HNRNPH1: variants seen among roughly 807,000 people sequenced by gnomAD.
HNRNPH1 encodes heterogeneous nuclear ribonucleoprotein H1.
Under a neutral mutation model 58.6 loss-of-function variants are expected in HNRNPH1, and 4 were observed. That is an observed-to-expected ratio of 0.07 (90% CI 0.03 to 0.16). The LOEUF (loss-of-function observed/expected upper bound fraction) is 0.16, where lower values mean the gene tolerates loss of function less well. Among genes scored for constraint, HNRNPH1 ranks in the 10% least tolerant of loss-of-function variants. HNRNPH1 has a pLI of 1.00. For missense variants in HNRNPH1, 271 were observed against 564.2 expected (o/e 0.48, Z 5.26); for synonymous variants, 192 against 189.2 (o/e 1.01, Z -0.12).
At position 179,615,840 on chromosome 5, in the gene HNRNPH1, C is replaced by T. The variant is rs1462023187; in HGVS notation, c.1301-245G>A. ...ACATGGAGGCAGATATTTTCTGGCTCGACAGTATTCCAAAGCTGCAATGAC... is the reference window on the plus strand; with the variant it reads ...ACATGGAGGCAGATATTTTCTGGCTTGACAGTATTCCAAAGCTGCAATGAC... On this transcript the variant is annotated intron_variant, in intron 11 of 12. Transcript: ENST00000356731. The T allele has an allele frequency of 7.8e-6, 4 of 514,866 alleles. 1 individual carries two copies. Among genetic ancestry groups the T allele is most frequent in the South Asian group, 6.3e-5 (2 of 31,710 alleles). 31.9% of individuals were successfully genotyped at this position (514,866 alleles called of 1,614,324 possible).
exon 13 of HNRNPH1, chr5:179,614,957 T>A: frequency 2.0e-6 from 3 of 1,525,368 alleles, no homozygotes; most frequent in Non-Finnish European, 2.7e-6. Context: ...GCTCCTTGGT[T>A]ACCTGCAAAG....
chr5:179,625,959 A>ATTTTTTTT (rs1192838060), upstream of HNRNPH1, among the ~76,000 whole-genome samples: 116 of 150,470 alleles, frequency 7.7e-4, no homozygotes, highest in African/African-American at 2.3e-3. Context: ...TTATTTATTT[A>ATTTTTTTT]TTTATTTTTT....
intron 2 of HNRNPH1, among the ~76,000 whole-genome samples, chr5:179,630,638 G>A (rs1349134628): frequency 6.6e-6 from 1 of 152,042 alleles, no homozygotes; most frequent in Non-Finnish European, 1.5e-5. Flanking sequence ...TCGGCCTGAC[G>A]CGGGGGCTCA....
chr5:179,625,715 G>T (rs1270773464), upstream of HNRNPH1, among the ~76,000 whole-genome samples: 1 of 150,198 alleles, frequency 6.7e-6, no homozygotes, highest in Non-Finnish European at 1.5e-5. Context: ...TACACTTATA[G>T]CCAATTCTCT....
chr5:179,626,108 G>A (rs977356273), upstream of HNRNPH1, among the ~76,000 whole-genome samples: 99 of 148,086 alleles, frequency 6.7e-4, no homozygotes, highest in African/African-American at 2.3e-3. Flanking sequence ...AGGTTTTTTT[G>A]TTTGGTTTTG....
At position 179,617,120 on chromosome 5, in the gene HNRNPH1, G is replaced by GA. The variant is rs745607196; in HGVS notation, c.1058-11dup. The GA allele has an allele frequency of 8.0e-5, 129 of 1,604,306 alleles. No individual in the cohort carries two copies. Among genetic ancestry groups the GA allele is most frequent in the East Asian group, 3.6e-4 (16 of 44,800 alleles). ...TCTACATATCTGTGTTCTGAAATGA[G>GA]AAAAAAAAAGTTTGAAAATGTTTGT... On this transcript the variant is annotated splice_polypyrimidine_tract_variant and intron_variant, in intron 8 of 12. Coordinates refer to ENST00000356731, the Ensembl canonical transcript of HNRNPH1.
At chr5:179,614,774 T>G in exon 13 of HNRNPH1, 1 of 824,964 alleles carries the variant, frequency 1.2e-6, no homozygotes. Flanking sequence ...TAAACTGAAG[T>G]TTTCTTAAAG....
upstream of HNRNPH1, among the ~76,000 whole-genome samples, chr5:179,626,648 G>A (rs1433417986): frequency 6.6e-6 from 1 of 150,642 alleles, no homozygotes; most frequent in Non-Finnish European, 1.5e-5. Context: ...CCTGGGAGGT[G>A]GAGGTTGCAG....
intron 3 of HNRNPH1, among the ~76,000 whole-genome samples, chr5:179,620,493 A>G (rs1771821577): frequency 6.6e-6 from 1 of 152,228 alleles, no homozygotes; most frequent in African/African-American, 2.4e-5. Context: ...CACATGACCC[A>G]AATACGTGTC....
In HNRNPH1 at chr5:179,622,998, G is replaced by A. The variant is rs367906181; in HGVS notation, c.97+39C>T. The A allele has an allele frequency of 3.0e-5, 27 of 913,840 alleles. No individual in the cohort carries two copies. In the African/African-American group the frequency reaches 4.9e-4, roughly 17 times the overall value. The allele number at this position is 913,840 out of a possible 1,614,324, so 56.6% of individuals were successfully genotyped here. On this transcript the variant is annotated intron_variant, in intron 1 of 12. Transcript: ENST00000356731. ...GCCGCCCGCCAGCCCGCCCGCCCCG[G>A]CCTCGAACTCGAACTCCCGCGTCCT... is the stretch of plus-strand genomic sequence containing the variant.
At chr5:179,632,996 T>C (rs973096404) in intron 2 of HNRNPH1, among the ~76,000 whole-genome samples, 1 of 151,206 alleles carries the variant, frequency 6.6e-6, no homozygotes, top group African/African-American at 2.4e-5. Context: ...TAGCTGGGAA[T>C]ACAGGCGCCC....
intron 10 of HNRNPH1, 173 bp downstream of exon 11, chr5:179,616,696 A>C (rs1769892258): frequency 1.6e-6 from 1 of 634,172 alleles, no homozygotes; most frequent in African/African-American, 1.8e-5. Context: ...TATCCTAAGG[A>C]ACTTCATAAC....
intron 12 of HNRNPH1, 42 bp from the exon 14 acceptor site, chr5:179,615,001 CT>C: frequency 8.9e-7 from 1 of 1,124,800 alleles, no homozygotes; most frequent in Non-Finnish European, 1.3e-6. Context: ...TAATATCAGA[CT>C]ACCAGTCAAA....
intron 2 of HNRNPH1, among the ~76,000 whole-genome samples, chr5:179,631,328 T>G (rs889001247): frequency 1.8e-4 from 28 of 152,186 alleles, no homozygotes; most frequent in Admixed American, 6.5e-4. Flanking sequence ...AAAAATGATC[T>G]AGGTTCCGTG....
At chr5:179,620,815 CAACTTTA>C in intron 3 of HNRNPH1, 70 bp downstream of exon 4, 2 of 1,318,104 alleles carry the variant, frequency 1.5e-6, no homozygotes, top group Non-Finnish European at 2.2e-6. Flanking sequence ...CTAAGCTACT[CAACTTTA>C]ACGTCTATTA....
upstream of HNRNPH1, among the ~76,000 whole-genome samples, chr5:179,627,113 G>A (rs888301792): frequency 2.0e-5 from 3 of 152,166 alleles, no homozygotes; most frequent in Non-Finnish European, 4.4e-5. Flanking sequence ...AGTTTACAGA[G>A]CTCTTTATTA....
chr5:179,616,800 T>G, intron 10 of HNRNPH1, 69 bp downstream of exon 11: 1 of 1,280,802 alleles, frequency 7.8e-7, no homozygotes, highest in Non-Finnish European at 1.1e-6. Context: ...ATAAATAGAT[T>G]AACTTAACTT....
upstream of HNRNPH1, among the ~76,000 whole-genome samples, chr5:179,625,043 GT>G (rs1774232154): frequency 6.6e-6 from 1 of 152,160 alleles, no homozygotes; most frequent in Middle Eastern, 3.2e-3. Context: ...CAGGGGAGCC[GT>G]AAACCCTGTG....
At chr5:179,616,412 A>T (rs1465925101) in intron 10 of HNRNPH1, 194 bp from the exon 12 acceptor site, 1 of 597,282 alleles carries the variant, frequency 1.7e-6, no homozygotes, top group African/African-American at 1.9e-5. Flanking sequence ...ATATTGATAA[A>T]CCAAAGTGCT....
Sources: allele counts gnomAD v4.1 joint callset (sites outside exome capture counted in the v4.1 genomes callset), GRCh38; gene constraint gnomAD v4.1.1; transcripts MANE v1.5; gene names NCBI Gene and HGNC (gene_info 2026-07-23, HGNC 2026-07-21).